FLT1: variants seen among roughly 807,000 people sequenced by gnomAD.
FLT1 encodes the protein fms related receptor tyrosine kinase 1, also known as vascular endothelial growth factor receptor 1.
A neutral mutation model predicts 156.3 loss-of-function variants in FLT1; 49 were observed. That is an observed-to-expected ratio of 0.31 (90% CI 0.25 to 0.40). FLT1 has a LOEUF of 0.40. FLT1 is among the 10% of genes least tolerant of loss of function. The probability of loss-of-function intolerance (pLI) is 1.00; values close to 1 mark genes in which losing one functional copy is unlikely to be tolerated. For missense variants in FLT1, 1,322 were observed against 1,637.2 expected, an observed-to-expected ratio of 0.81 and a Z score of 3.32; for synonymous variants, 594 against 583.8, an observed-to-expected ratio of 1.02 and a Z score of -0.25.
At position 28,380,169 on chromosome 13, in the gene FLT1, A is replaced by G. The variant is rs907502413; in HGVS notation, c.2116+4716T>C. ...TGGCTAAAGGCTGAGTATATAACAAACTACTTTTCAGTCTTTGCAGGCCAT... is the reference window on the plus strand; with the variant it reads ...TGGCTAAAGGCTGAGTATATAACAAGCTACTTTTCAGTCTTTGCAGGCCAT... On this transcript the variant is annotated intron_variant, in intron 14 of 29. Coordinates refer to ENST00000282397, the MANE Select transcript of FLT1 (RefSeq NM_002019.4). Among the ~76,000 whole-genome samples, 73 of 152,144 alleles carry G rather than the reference A, an allele frequency of 4.8e-4. 1 individual carries two copies. Among genetic ancestry groups the G allele is most frequent in the African/African-American group, 1.7e-3 (70 of 41,432 alleles).
chr13:28,472,417 C>T (rs1212819312), intron 1 of FLT1, among the ~76,000 whole-genome samples: 1 of 152,228 alleles, frequency 6.6e-6, no homozygotes, highest in Non-Finnish European at 1.5e-5. Context: ...ATGAACCAGA[C>T]AGCCTTGAGG....
chr13:28,336,655 T>A (rs1262595166), intron 17 of FLT1, among the ~76,000 whole-genome samples: 1 of 152,144 alleles, frequency 6.6e-6, no homozygotes. Flanking sequence ...GCCAAACTCC[T>A]GACTCCCTGT....
At chr13:28,467,208 A>C (rs1879898923) in intron 2 of FLT1, 79 bp from the exon 3 acceptor site, 1 of 1,098,348 alleles carries the variant, frequency 9.1e-7, no homozygotes, top group African/African-American at 1.5e-5. Context: ...CATTCATTTT[A>C]TTAGGAAGCG....
At chr13:28,473,124 G>C (rs562024085) in intron 1 of FLT1, among the ~76,000 whole-genome samples, 51 of 152,062 alleles carry the variant, frequency 3.4e-4, no homozygotes, top group Non-Finnish European at 5.6e-4. Flanking sequence ...AGAATGTGGA[G>C]AAACTGGAAC....
chr13:28,382,472 C>T (rs1428313260), intron 14 of FLT1, among the ~76,000 whole-genome samples: 7 of 152,118 alleles, frequency 4.6e-5, no homozygotes, highest in South Asian at 2.1e-4. Context: ...TGAACTTCAT[C>T]GAAGTGTGTT....
chr13:28,403,819 G>A (rs543450428), intron 11 of FLT1, among the ~76,000 whole-genome samples: 3 of 152,214 alleles, frequency 2.0e-5, no homozygotes, highest in South Asian at 2.1e-4. Flanking sequence ...CAAGGCAGGC[G>A]GATCACAGGG....
chr13:28,464,536 T>G (rs1252406867), intron 3 of FLT1, among the ~76,000 whole-genome samples: 2 of 152,260 alleles, frequency 1.3e-5, no homozygotes, highest in East Asian at 1.9e-4. Context: ...TATTATGGAT[T>G]TCCTAATATG....
At chr13:28,399,628 G>A (rs1051623783) in intron 11 of FLT1, among the ~76,000 whole-genome samples, 1 of 152,196 alleles carries the variant, frequency 6.6e-6, no homozygotes, top group African/African-American at 2.4e-5. Context: ...CCAAATTTAT[G>A]TATAATCAGA....
At chr13:28,423,266 CTG>C (rs1267077503) in intron 10 of FLT1, among the ~76,000 whole-genome samples, 1 of 152,154 alleles carries the variant, frequency 6.6e-6, no homozygotes, top group Non-Finnish European at 1.5e-5. Flanking sequence ...GCCACACGAA[CTG>C]GGAGAATTAC....
At chr13:28,428,504 A>G (rs969431111) in intron 8 of FLT1, among the ~76,000 whole-genome samples, 10 of 152,042 alleles carry the variant, frequency 6.6e-5, no homozygotes, top group Non-Finnish European at 4.4e-5. Context: ...GCATAAACTT[A>G]AAGAAATTTT....
rs541604566 is a variant in FLT1, at chr13:28,472,773, C to T, written c.65-5156G>A. On this transcript the variant is annotated intron_variant, in intron 1 of 29. Coordinates refer to ENST00000282397, the MANE Select transcript of FLT1 (RefSeq NM_002019.4). ...GGGCCACATTAAGCCTCCGATTCTT[C>T]ATCTGTCAACACAGGAGATTAGGGT... is the stretch of plus-strand genomic sequence containing the variant. Among the ~76,000 whole-genome samples, 31 of 152,354 alleles carry T rather than the reference C, an allele frequency of 2.0e-4. 1 individual carries two copies. The South Asian group carries it at 6.0e-3, about 30-fold the overall frequency.
chr13:28,326,648 C>T (rs999696869), intron 20 of FLT1, among the ~76,000 whole-genome samples: 3 of 151,804 alleles, frequency 2.0e-5, no homozygotes, highest in Admixed American at 6.6e-5. Context: ...GCCTCAGCCT[C>T]CCTAGTAGCT....
intron 1 of FLT1, among the ~76,000 whole-genome samples, chr13:28,479,474 G>T (rs1308248758): frequency 6.6e-6 from 1 of 152,078 alleles, no homozygotes; most frequent in Non-Finnish European, 1.5e-5. Context: ...CACGTAGTAA[G>T]TATTTGTAAG....
At chr13:28,316,891 G>C (rs562279554) in intron 25 of FLT1, among the ~76,000 whole-genome samples, 1 of 152,300 alleles carries the variant, frequency 6.6e-6, no homozygotes, top group Admixed American at 6.5e-5. Context: ...CCAAAGTGCT[G>C]GGATTACACA....
At chr13:28,327,880 A>T (rs1381782099) in intron 19 of FLT1, among the ~76,000 whole-genome samples, 3 of 152,130 alleles carry the variant, frequency 2.0e-5, no homozygotes, top group African/African-American at 7.2e-5. Context: ...CTGCCTCTTA[A>T]CCAGACCCTT....
intron 23 of FLT1, among the ~76,000 whole-genome samples, 182 bp downstream of exon 23, chr13:28,321,279 CAG>C (rs1489599768): frequency 6.6e-6 from 1 of 152,226 alleles, no homozygotes; most frequent in Admixed American, 6.5e-5. Flanking sequence ...AAGCAGGAGA[CAG>C]TGGCCTTTCT....
intron 19 of FLT1, among the ~76,000 whole-genome samples, chr13:28,328,643 C>T (rs895945189): frequency 1.3e-5 from 2 of 152,226 alleles, no homozygotes; most frequent in Admixed American, 6.5e-5. Flanking sequence ...GAAGTTGCTT[C>T]CAGAGTTTTT....
chr13:28,390,727 A>G (rs1565999418), intron 12 of FLT1, among the ~76,000 whole-genome samples: 2 of 152,176 alleles, frequency 1.3e-5, no homozygotes, highest in Admixed American at 1.3e-4. Flanking sequence ...CATGTACAGT[A>G]TTCCTACTGG....
At chr13:28,313,257 G>T (rs990654915) in intron 25 of FLT1, among the ~76,000 whole-genome samples, 1 of 152,154 alleles carries the variant, frequency 6.6e-6, no homozygotes, top group Non-Finnish European at 1.5e-5. Context: ...GGGATTACAG[G>T]CGTGAGCCAC....
Sources: gnomAD v4.1 joint callset for allele counts (sites outside exome capture counted in the v4.1 genomes callset) on GRCh38, gnomAD v4.1.1 for gene constraint, MANE v1.5 for transcripts, NCBI Gene and HGNC (gene_info 2026-07-23, HGNC 2026-07-21) for gene names.